GRIA1: variants seen among roughly 807,000 people sequenced by gnomAD.
GRIA1 encodes the protein glutamate ionotropic receptor AMPA type subunit 1, also known as glutamate receptor 1.
A neutral mutation model predicts 99.2 loss-of-function variants in GRIA1; 31 were observed. The ratio of observed to expected loss-of-function variants is 0.31; its 90% CI spans 0.23 to 0.42. The LOEUF (loss-of-function observed/expected upper bound fraction) is 0.42. GRIA1 is among the 10% of genes least tolerant of loss of function. The pLI is 1.00. For missense variants in GRIA1, 782 were observed against 1,157.5 expected, an observed-to-expected ratio of 0.68 and a Z score of 4.71; for synonymous variants, 438 against 432.4, an observed-to-expected ratio of 1.01 and a Z score of -0.16.
chr5:153,737,283 AC>A (rs1288357417), intron 11 of GRIA1, among the ~76,000 whole-genome samples: 1 of 131,498 alleles, frequency 7.6e-6, no homozygotes, highest in African/African-American at 3.1e-5. Context: ...GTGTCTGGCA[AC>A]CCCGGTAAAA....
chr5:153,770,408 G>T lies in GRIA1; in HGVS notation c.2263G>T (p.Ala755Ser), dbSNP rs765895563. 6.2e-7 allele frequency: 1 copy of T among 1,611,806 alleles called. No homozygotes were observed. The highest frequency in any genetic ancestry group is 8.5e-7 in the Non-Finnish European group (1 of 1,178,178). ...GYGIATPKGS[A>S]LRNPVNLAVL... ...TGGCATTGCAACACCCAAGGGGTCT[G>T]CCCTGAGGTAAGTAGCCAAGATTTG... is the stretch of plus-strand genomic sequence containing the variant. Residue 755 changes from alanine to serine, a missense_variant, in exon 13 of 16, where the codon GCC becomes TCC. Around this residue, in one of 5 missense-constraint regions of GRIA1, gnomAD observed 119 missense variants for 326.6 expected, o/e 0.36. Transcript: ENST00000285900.
intron 2 of GRIA1, among the ~76,000 whole-genome samples, chr5:153,534,762 C>T (rs998979237): frequency 2.2e-4 from 33 of 152,178 alleles, no homozygotes; most frequent in African/African-American, 7.5e-4. Context: ...AACTCCCCAA[C>T]CCTAATCCAC....
Position 153,686,218 on chromosome 5 carries a change from T to C in GRIA1, c.1030-7T>C, listed in dbSNP as rs1256264857. 2 of 1,611,056 alleles carry C rather than the reference T, an allele frequency of 1.2e-6. No homozygotes were observed. Among genetic ancestry groups the C allele is most frequent in the South Asian group, 1.1e-5 (1 of 91,012 alleles). ...TTCACTGCCCACCACTTGGTTTTGTTTTCCAGGTGCGATTTGAAGGTTTAA... is the reference window on the plus strand; with the variant it reads ...TTCACTGCCCACCACTTGGTTTTGTCTTCCAGGTGCGATTTGAAGGTTTAA... On this transcript the variant is annotated splice_polypyrimidine_tract_variant and splice_region_variant and intron_variant, in intron 7 of 15. Coordinates refer to ENST00000285900, the MANE Select transcript of GRIA1 (RefSeq NM_000827.4).
At chr5:153,627,829 G>A (rs1165942994) in intron 2 of GRIA1, among the ~76,000 whole-genome samples, 3 of 152,170 alleles carry the variant, frequency 2.0e-5, no homozygotes, top group South Asian at 2.1e-4. Context: ...TATCATGGTC[G>A]GTAGACCAGA....
intron 5 of GRIA1, among the ~76,000 whole-genome samples, chr5:153,672,915 G>A (rs928588300): frequency 1.3e-5 from 2 of 152,180 alleles, no homozygotes; most frequent in Admixed American, 6.5e-5. Flanking sequence ...ACGATCAATG[G>A]CATATGAGTG....
chr5:153,680,222 C>T (rs1013132488), intron 7 of GRIA1, among the ~76,000 whole-genome samples: 1 of 151,974 alleles, frequency 6.6e-6, no homozygotes, highest in African/African-American at 2.4e-5. Flanking sequence ...AATATCTGTG[C>T]ACCCCCTCCC....
In GRIA1 at chr5:153,796,517, G is replaced by C. The variant is rs1465835986; in HGVS notation, c.2385+1782G>C. ...AGGGCTGCTGCTTCTTAAAAAGCGA[G>C]AGGAGCAAGTGATCAGTGTTAAAGA... On this transcript the variant is annotated intron_variant, in intron 14 of 15. Coordinates refer to ENST00000285900, the MANE Select transcript of GRIA1 (RefSeq NM_000827.4). Among the ~76,000 whole-genome samples, 4 of 152,270 alleles carry C rather than the reference G, an allele frequency of 2.6e-5. No individual in the cohort carries two copies. The East Asian group carries it at 7.7e-4, about 29-fold the overall frequency.
At chr5:153,783,980 A>G (rs976909958) in intron 13 of GRIA1, among the ~76,000 whole-genome samples, 1 of 152,208 alleles carries the variant, frequency 6.6e-6, no homozygotes, top group Non-Finnish European at 1.5e-5. Context: ...TAGGTAGTAC[A>G]TGTGCCAATG....
At chr5:153,758,526 T>C (rs1010947730) in intron 11 of GRIA1, among the ~76,000 whole-genome samples, 3 of 151,954 alleles carry the variant, frequency 2.0e-5, no homozygotes, top group African/African-American at 7.2e-5. Flanking sequence ...TAATTATAAA[T>C]ATATATTCAA....
intron 2 of GRIA1, among the ~76,000 whole-genome samples, chr5:153,583,202 G>A (rs1393767647): frequency 6.6e-6 from 1 of 152,110 alleles, no homozygotes; most frequent in African/African-American, 2.4e-5. Flanking sequence ...CAAAGTGCTG[G>A]GACTGCAAGT....
chr5:153,616,965 G>C (rs1002475135), intron 2 of GRIA1, among the ~76,000 whole-genome samples: 13 of 152,202 alleles, frequency 8.5e-5, no homozygotes, highest in Non-Finnish European at 1.5e-4. Flanking sequence ...CAGAGTGTCT[G>C]TTCATTGTAA....
intron 7 of GRIA1, among the ~76,000 whole-genome samples, chr5:153,680,409 C>A (rs1756892979): frequency 6.6e-6 from 1 of 152,102 alleles, no homozygotes; most frequent in Non-Finnish European, 1.5e-5. Flanking sequence ...GAAGACTCAA[C>A]TCCCCAAGTC....
At chr5:153,579,316 T>A (rs186422791) in intron 2 of GRIA1, among the ~76,000 whole-genome samples, 77 of 152,352 alleles carry the variant, frequency 5.1e-4, no homozygotes, top group African/African-American at 1.8e-3. Flanking sequence ...GGTTCCTTTA[T>A]TCCATAGCAC....
intron 5 of GRIA1, 105 bp from the exon 6 acceptor site, chr5:153,674,395 G>A (rs188055399): frequency 8.0e-7 from 1 of 1,256,814 alleles, no homozygotes; most frequent in Non-Finnish European, 1.1e-6. Context: ...CATTGAGTAG[G>A]TTTCATCTGG....
At chr5:153,672,797 A>G (rs995868375) in intron 5 of GRIA1, among the ~76,000 whole-genome samples, 1 of 151,920 alleles carries the variant, frequency 6.6e-6, no homozygotes, top group Non-Finnish European at 1.5e-5. Context: ...TCCCCTGCTC[A>G]TTTTCCCATT....
In GRIA1 at chr5:153,590,679, T is replaced by C. The variant is rs1012720251; in HGVS notation, c.221-56249T>C. On this transcript the variant is annotated intron_variant, in intron 2 of 15. Transcript: ENST00000285900. ...TTTAAAGAAATTTACTTTACACCTA[T>C]ATTTTCCTAAAAAAAAATTTGTGAA... is the stretch of plus-strand genomic sequence containing the variant. Among the ~76,000 whole-genome samples the C allele has an allele frequency of 1.1e-4, 16 of 152,284 alleles. No homozygotes were observed. The South Asian group carries it at 2.7e-3, about 26-fold the overall frequency.
intron 2 of GRIA1, among the ~76,000 whole-genome samples, chr5:153,607,076 G>T (rs1313450816): frequency 5.2e-5 from 6 of 116,018 alleles, no homozygotes; most frequent in Admixed American, 5.0e-4. Flanking sequence ...TATAATCACA[G>T]TTTCTTTATC....
chr5:153,762,345 T>G (rs1763240559), intron 11 of GRIA1, among the ~76,000 whole-genome samples: 1 of 152,124 alleles, frequency 6.6e-6, no homozygotes, highest in Non-Finnish European at 1.5e-5. Flanking sequence ...AGAGGTACAG[T>G]TTAGAGGCCA....
At chr5:153,734,445 G>A (rs1316026908) in intron 11 of GRIA1, among the ~76,000 whole-genome samples, 1 of 152,186 alleles carries the variant, frequency 6.6e-6, no homozygotes, top group African/African-American at 2.4e-5. Context: ...AGTCTCAAAT[G>A]GAGGTGGGAG....
Sources: gnomAD v4.1 joint callset for allele counts (sites outside exome capture counted in the v4.1 genomes callset) on GRCh38, gnomAD v4.1.1 for gene constraint, gnomAD v4.1.1 regional missense constraint, MANE v1.5 for transcripts, NCBI Gene and HGNC (gene_info 2026-07-23, HGNC 2026-07-21) for gene names.